The following DIP2B variants were observed in gnomAD, a reference collection of about 807,000 sequenced individuals.
DIP2B encodes disco-interacting protein 2 homolog B.
Under a neutral mutation model 198.0 loss-of-function variants are expected in DIP2B, and 76 were observed. The ratio of observed to expected loss-of-function variants is 0.38; its 90% CI spans 0.32 to 0.46. The LOEUF (loss-of-function observed/expected upper bound fraction) is 0.46, where lower values mean the gene tolerates loss of function less well. Ranked by LOEUF, DIP2B falls within the 20% of genes least tolerant of loss-of-function variation. DIP2B has a pLI of 0.99. For synonymous variants in DIP2B, 701 were observed against 739.1 expected, an observed-to-expected ratio of 0.95 and a Z score of 0.84; for missense variants, 1,559 against 1,978.4, an observed-to-expected ratio of 0.79 and a Z score of 4.02.
intron 1 of DIP2B, among the ~76,000 whole-genome samples, chr12:50,512,864 G>A (rs1166604052): frequency 1.3e-5 from 2 of 152,142 alleles, no homozygotes; most frequent in Non-Finnish European, 2.9e-5. Context: ...AAAATTAGCC[G>A]GGCGTGGCGG....
chr12:50,505,749 A>G (rs1371851166), intron 1 of DIP2B, among the ~76,000 whole-genome samples: 5 of 152,176 alleles, frequency 3.3e-5, no homozygotes, highest in South Asian at 4.1e-4. Flanking sequence ...CCCCAGTGAC[A>G]GGAGTGAGAC....
Position 50,660,400 on chromosome 12 carries a change from G to C in DIP2B, c.427+81G>C, listed in dbSNP as rs1592114902. The stretch of plus-strand genomic sequence containing the variant: ...TAAGTTCTGCTTTTTCTTTTCTGAG[G>C]TAAGAACCAGAATCTTCTCCCCGCC... On this transcript the variant is annotated intron_variant, in intron 4 of 37. Transcript: ENST00000301180. The C allele has an allele frequency of 2.1e-6, 3 of 1,406,544 alleles. No homozygotes were observed. In the East Asian group the frequency reaches 7.7e-5, roughly 36 times the overall value. 87.1% of individuals were successfully genotyped at this position (1,406,544 alleles called of 1,614,324 possible).
chr12:50,602,250 T>C (rs1958943447), intron 1 of DIP2B, among the ~76,000 whole-genome samples: 1 of 152,214 alleles, frequency 6.6e-6, no homozygotes. Context: ...TACATATCTC[T>C]TGGCAATATA....
intron 1 of DIP2B, among the ~76,000 whole-genome samples, chr12:50,547,460 T>G (rs1249510270): frequency 6.6e-6 from 1 of 152,200 alleles, no homozygotes; most frequent in Non-Finnish European, 1.5e-5. Context: ...TGTAGAGAGA[T>G]ATTAATCGAA....
At chr12:50,600,421 T>C (rs927966385) in intron 1 of DIP2B, among the ~76,000 whole-genome samples, 2 of 152,228 alleles carry the variant, frequency 1.3e-5, no homozygotes, top group African/African-American at 2.4e-5. Context: ...AATAATACTT[T>C]GCAAATGAGA....
intron 3 of DIP2B, among the ~76,000 whole-genome samples, chr12:50,657,380 A>G (rs930682974): frequency 1.3e-5 from 2 of 152,220 alleles, no homozygotes; most frequent in Non-Finnish European, 2.9e-5. Context: ...AGAATGGTTA[A>G]GTTTACAGTG....
intron 1 of DIP2B, among the ~76,000 whole-genome samples, chr12:50,592,575 TC>T (rs1173029447): frequency 2.0e-5 from 3 of 152,092 alleles, no homozygotes; most frequent in African/African-American, 7.2e-5. Flanking sequence ...CCTCCTGAGT[TC>T]CAGCAATTCT....
At chr12:50,600,356 G>T (rs1958924197) in intron 1 of DIP2B, among the ~76,000 whole-genome samples, 1 of 152,162 alleles carries the variant, frequency 6.6e-6, no homozygotes, top group African/African-American at 2.4e-5. Flanking sequence ...AGAATAAATT[G>T]ATTCCTGTTC....
At chr12:50,712,918 A>C (rs1344358351) in intron 22 of DIP2B, among the ~76,000 whole-genome samples, 3 of 152,122 alleles carry the variant, frequency 2.0e-5, no homozygotes, top group Non-Finnish European at 4.4e-5. Context: ...AAAAAAATAA[A>C]ATAAAGTTGA....
At chr12:50,660,426 A>G (rs1938625078) in intron 4 of DIP2B, 107 bp downstream of exon 4, 2 of 1,282,664 alleles carry the variant, frequency 1.6e-6, no homozygotes, top group Middle Eastern at 2.0e-4. Context: ...TCTCCCCGCC[A>G]TTAGAGGAAT....
chr12:50,604,480 C>G (rs1958965324), intron 1 of DIP2B, among the ~76,000 whole-genome samples: 3 of 151,650 alleles, frequency 2.0e-5, no homozygotes, highest in African/African-American at 7.3e-5. Context: ...TTTTTTGAGA[C>G]AAAGTCTTTG....
At chr12:50,710,131 T>C (rs1168416211) in intron 22 of DIP2B, among the ~76,000 whole-genome samples, 2 of 152,212 alleles carry the variant, frequency 1.3e-5, no homozygotes, top group African/African-American at 4.8e-5. Flanking sequence ...CTACATCCAC[T>C]GTAATATAAG....
At chr12:50,507,161 G>A (rs955436899) in intron 1 of DIP2B, among the ~76,000 whole-genome samples, 1 of 152,200 alleles carries the variant, frequency 6.6e-6, no homozygotes, top group African/African-American at 2.4e-5. Flanking sequence ...AAGGACAAGT[G>A]CATGGTTTGC....
chr12:50,523,124 G>T (rs911946239), intron 1 of DIP2B, among the ~76,000 whole-genome samples: 2 of 152,144 alleles, frequency 1.3e-5, no homozygotes, highest in Non-Finnish European at 2.9e-5. Context: ...ATATACAGTT[G>T]TTCCTTTCTT....
intron 7 of DIP2B, among the ~76,000 whole-genome samples, chr12:50,676,392 C>T (rs989536071): frequency 8.5e-5 from 13 of 152,188 alleles, no homozygotes; most frequent in South Asian, 6.2e-4. Context: ...CAATTTATAC[C>T]GCAGAAAGCA....
At position 50,637,807 on chromosome 12, in the gene DIP2B, CAT is replaced by C. The variant is rs565414163; in HGVS notation, c.173-2916_173-2915del. On this transcript the variant is annotated intron_variant, in intron 2 of 37. Transcript: ENST00000301180. Reference sequence around the variant, plus strand: ...AATCATAAGCAGAATTAAAAGATAACATGTGGAGGCTGGTGGCTTCCTTCCAT... The same window carrying C: ...AATCATAAGCAGAATTAAAAGATAACGTGGAGGCTGGTGGCTTCCTTCCAT... Among the ~76,000 whole-genome samples the C allele has an allele frequency of 7.9e-5, 12 of 152,138 alleles. No homozygotes were observed. The South Asian group carries it at 2.3e-3, about 29-fold the overall frequency.
chr12:50,607,068 A>C (rs1958988100), intron 1 of DIP2B, among the ~76,000 whole-genome samples: 1 of 151,584 alleles, frequency 6.6e-6, no homozygotes, highest in African/African-American at 2.4e-5. Context: ...CTGCCTCCCA[A>C]AGTGCTGGGA....
At chr12:50,553,002 A>ATT (rs1426545448) in intron 1 of DIP2B, among the ~76,000 whole-genome samples, 1 of 151,914 alleles carries the variant, frequency 6.6e-6, no homozygotes, top group Non-Finnish European at 1.5e-5. Context: ...TGCCCGGCTA[A>ATT]TTTTTGCATT....
chr12:50,655,931 T>C (rs1938547166), intron 3 of DIP2B, among the ~76,000 whole-genome samples: 1 of 152,164 alleles, frequency 6.6e-6, no homozygotes, highest in South Asian at 2.1e-4. Flanking sequence ...GCTGAGATCA[T>C]GCCACTGCAC....
Sources: allele counts gnomAD v4.1 joint callset (sites outside exome capture counted in the v4.1 genomes callset), GRCh38; gene constraint gnomAD v4.1.1; transcripts MANE v1.5; gene names NCBI Gene and HGNC (gene_info 2026-07-23, HGNC 2026-07-21).